The following DYSF variants were observed in gnomAD, a reference collection of about 807,000 sequenced individuals.
DYSF encodes the protein dystrophy-associated fer-1-like 1.
Under a neutral mutation model 274.9 loss-of-function variants are expected in DYSF, and 212 were observed. The observed-to-expected ratio is 0.77, with a 90% CI of 0.69 to 0.86. DYSF has a LOEUF of 0.86. Among genes scored for constraint, DYSF ranks in the 40% least tolerant of loss-of-function variants. The pLI, the probability that DYSF is intolerant of heterozygous loss-of-function variation, is 0.00. For missense variants in DYSF, 2,666 were observed against 2,783.2 expected (o/e 0.96, Z 0.95); for synonymous variants, 1,091 against 1,078.7 (o/e 1.01, Z -0.22).
chr2:71,543,730 C>T (rs897443604), intron 17 of DYSF, among the ~76,000 whole-genome samples: 2 of 152,182 alleles, frequency 1.3e-5, no homozygotes, highest in African/African-American at 2.4e-5. Flanking sequence ...GGCGTGGCGG[C>T]GCGCGCCTGC....
chr2:71,573,480 G>T (rs75701651), intron 29 of DYSF, among the ~76,000 whole-genome samples: 1 of 152,108 alleles, frequency 6.6e-6, no homozygotes, highest in African/African-American at 2.4e-5. Flanking sequence ...GGGGGCTCCC[G>T]GGACTCCCTT....
At chr2:71,606,530 C>T (rs1402751859) in intron 36 of DYSF, among the ~76,000 whole-genome samples, 1 of 152,046 alleles carries the variant, frequency 6.6e-6, no homozygotes, top group Non-Finnish European at 1.5e-5. Flanking sequence ...AATTACTGTC[C>T]TGGAGAGGGG....
At chr2:71,515,546 C>G (rs1012956335) in intron 7 of DYSF, 77 bp from the exon 8 acceptor site, 1 of 1,604,156 alleles carries the variant, frequency 6.2e-7, no homozygotes, top group African/African-American at 1.3e-5. Context: ...CCTGAGATTT[C>G]TGACTCTTGG....
chr2:71,542,638 C>A (rs1205320342), intron 17 of DYSF, among the ~76,000 whole-genome samples: 1 of 152,124 alleles, frequency 6.6e-6, no homozygotes, highest in Non-Finnish European at 1.5e-5. Context: ...GCCCTTAATC[C>A]ATTTAACCCT....
chr2:71,583,999 C>T (rs2092981608), intron 30 of DYSF, among the ~76,000 whole-genome samples: 1 of 152,172 alleles, frequency 6.6e-6, no homozygotes, highest in South Asian at 2.1e-4. Context: ...CACCCAGTTC[C>T]CTGGACAAGC....
intron 36 of DYSF, among the ~76,000 whole-genome samples, chr2:71,609,341 G>GT (rs1035499204): frequency 5.9e-5 from 9 of 152,182 alleles, no homozygotes; most frequent in African/African-American, 1.9e-4. Flanking sequence ...AAAATGATAA[G>GT]TTTTTTTGCT....
intron 54 of DYSF, 88 bp from the exon 55 acceptor site, chr2:71,682,442 G>A: frequency 6.4e-7 from 1 of 1,562,320 alleles, no homozygotes; most frequent in East Asian, 2.2e-5. Context: ...TGGAGGGCCA[G>A]GCCATTGGAC....
intron 53 of DYSF, 98 bp downstream of exon 53, chr2:71,679,333 T>G: frequency 8.2e-7 from 1 of 1,217,946 alleles, no homozygotes; most frequent in Non-Finnish European, 1.2e-6. Context: ...ATGCTTACTG[T>G]TCCTCCTCCT....
chr2:71,573,518 G>A (rs1220925189), intron 29 of DYSF, among the ~76,000 whole-genome samples: 1 of 152,196 alleles, frequency 6.6e-6, no homozygotes, highest in South Asian at 2.1e-4. Flanking sequence ...CCCCATGAAC[G>A]AGGTACAGGG....
chr2:71,469,547 A>C (rs1191201649), intron 1 of DYSF, among the ~76,000 whole-genome samples: 2 of 152,194 alleles, frequency 1.3e-5, no homozygotes, highest in Non-Finnish European at 2.9e-5. Context: ...TGGCTCCTAC[A>C]GGCAGCCTGA....
intron 17 of DYSF, among the ~76,000 whole-genome samples, chr2:71,541,745 A>T (rs2089947840): frequency 6.6e-6 from 1 of 151,522 alleles, no homozygotes; most frequent in Non-Finnish European, 1.5e-5. Context: ...TAACTCTATT[A>T]ATTTTTTTTT....
intron 24 of DYSF, among the ~76,000 whole-genome samples, chr2:71,566,206 C>T (rs1307406634): frequency 1.7e-5 from 2 of 116,490 alleles, no homozygotes; most frequent in Non-Finnish European, 3.4e-5. Flanking sequence ...CCGGGGAAGG[C>T]GGTCTGCGAG....
At position 71,667,437 on chromosome 2, in the gene DYSF, G is replaced by A. The variant is rs2095035076; in HGVS notation, c.5379G>A (p.Val1793=). ...TGGAGGAGCGTCTGGCTCTGCATGT[G>A]CTTCAGCAGCAGGGCCTGGTCCCGG... ...GPVEERLALH[V]LQQQGLVPEH... is the part of the protein sequence containing the mutation. The change falls in exon 48 of 56, where the codon GTG becomes GTA. Residue 1793 remains valine, a synonymous_variant. Transcript: ENST00000410020. 1.2e-6 allele frequency: 2 copies of A among 1,614,140 alleles called. No homozygotes were observed. The highest frequency in any genetic ancestry group is 1.3e-5 in the African/African-American group (1 of 75,040).
chr2:71,498,121 G>A (rs569183054), intron 3 of DYSF, among the ~76,000 whole-genome samples: 1 of 152,204 alleles, frequency 6.6e-6, no homozygotes, highest in African/African-American at 2.4e-5. Context: ...GTCCTGTTAA[G>A]AATTCCTTTG....
chr2:71,663,535 C>T (rs896929675), intron 45 of DYSF, among the ~76,000 whole-genome samples: 1 of 152,216 alleles, frequency 6.6e-6, no homozygotes, highest in Non-Finnish European at 1.5e-5. Flanking sequence ...GGCCCCTGCC[C>T]TCCTTCTCCA....
At chr2:71,607,139 C>T (rs542403796) in intron 36 of DYSF, among the ~76,000 whole-genome samples, 120 of 152,236 alleles carry the variant, frequency 7.9e-4, no homozygotes, top group African/African-American at 2.4e-3. Flanking sequence ...ATGGGAGCTA[C>T]GGGGGTACTT....
At chr2:71,516,896 G>A in intron 9 of DYSF, 93 bp from the exon 10 acceptor site, 3 of 1,126,554 alleles carry the variant, frequency 2.7e-6, no homozygotes, top group Non-Finnish European at 4.1e-6. Flanking sequence ...GTGAAGTGTT[G>A]GCAGTTATTG....
chr2:71,523,753 G>T (rs530943482), intron 12 of DYSF, among the ~76,000 whole-genome samples: 6 of 152,098 alleles, frequency 3.9e-5, no homozygotes, highest in African/African-American at 1.4e-4. Flanking sequence ...CACCATGTTG[G>T]TCAGGCTGGT....
At chr2:71,605,185 C>G (rs1040812394) in intron 36 of DYSF, among the ~76,000 whole-genome samples, 4 of 152,194 alleles carry the variant, frequency 2.6e-5, no homozygotes, top group Admixed American at 1.3e-4. Context: ...TTTCGTGTTT[C>G]ACTCTTCCTG....
Sources: gnomAD v4.1 joint callset for allele counts (sites outside exome capture counted in the v4.1 genomes callset) on GRCh38, gnomAD v4.1.1 for gene constraint, MANE v1.5 for transcripts, NCBI Gene and HGNC (gene_info 2026-07-23, HGNC 2026-07-21) for gene names.